Variants in CALN1 observed in about 807,000 individuals in gnomAD.
CALN1 encodes calcium-binding protein 8.
In CALN1, 17 loss-of-function variants were observed where a neutral mutation model predicts 30.6. That is an observed-to-expected ratio of 0.56 (90% CI 0.38 to 0.83). The LOEUF is 0.83. Among genes scored for constraint, CALN1 ranks in the 40% least tolerant of loss-of-function variants. The pLI is 0.00. For synonymous variants in CALN1, 156 were observed against 131.4 expected (o/e 1.19, Z -1.28); for missense variants, 291 against 354.9 (o/e 0.82, Z 1.45).
chr7:72,344,954 G>A (rs1802558130), intron 2 of CALN1, among the ~76,000 whole-genome samples: 1 of 146,856 alleles, frequency 6.8e-6, no homozygotes, highest in Non-Finnish European at 1.5e-5. Flanking sequence ...ATTGTTTTAT[G>A]TGGTATTTAT....
chr7:71,905,300 A>G (rs1242376630), intron 5 of CALN1, among the ~76,000 whole-genome samples: 1 of 151,548 alleles, frequency 6.6e-6, no homozygotes, highest in Non-Finnish European at 1.5e-5. Context: ...GCTTTTTGTT[A>G]TATGGATGAA....
At chr7:71,986,863 C>T (rs1798698430) in intron 5 of CALN1, among the ~76,000 whole-genome samples, 1 of 152,200 alleles carries the variant, frequency 6.6e-6, no homozygotes, top group African/African-American at 2.4e-5. Flanking sequence ...CACGATGGCT[C>T]ATGCCTGTAA....
At chr7:72,169,615 G>A (rs888725932) in intron 3 of CALN1, among the ~76,000 whole-genome samples, 2 of 151,446 alleles carry the variant, frequency 1.3e-5, no homozygotes, top group African/African-American at 2.4e-5. Flanking sequence ...GAGCCACCAC[G>A]CAGCCTTGCT....
intron 3 of CALN1, among the ~76,000 whole-genome samples, chr7:72,203,452 C>T (rs772359458): frequency 6.6e-5 from 10 of 152,072 alleles, no homozygotes; most frequent in African/African-American, 1.2e-4. Flanking sequence ...TCCCAAACTC[C>T]GGCAGGTTTG....
intron 5 of CALN1, among the ~76,000 whole-genome samples, chr7:71,914,924 T>C (rs1259561458): frequency 6.6e-6 from 1 of 152,178 alleles, no homozygotes; most frequent in Non-Finnish European, 1.5e-5. Context: ...CCAGTATATA[T>C]AAGGAACTTA....
the CALN1 span, among the ~76,000 whole-genome samples, chr7:72,458,134 A>ATATATATATTTAATATATTTT: frequency 5.1e-5 from 7 of 136,428 alleles, no homozygotes; most frequent in Admixed American, 3.5e-4. Context: ...TTTTATAAAT[A>ATATATATATTTAATATATTTT]TATATATATT....
At chr7:72,294,810 TA>T (rs1244420066) in intron 2 of CALN1, among the ~76,000 whole-genome samples, 3 of 151,022 alleles carry the variant, frequency 2.0e-5, no homozygotes, top group African/African-American at 7.4e-5. Context: ...TTGAAGTCTT[TA>T]AAGACACCCT....
chr7:71,937,218 G>A (rs1425790607), intron 5 of CALN1, among the ~76,000 whole-genome samples: 1 of 151,124 alleles, frequency 6.6e-6, no homozygotes, highest in Non-Finnish European at 1.5e-5. Flanking sequence ...GCTTGAACAG[G>A]AGAATTGCTT....
At chr7:72,001,935 A>T (rs1417772530) in intron 5 of CALN1, among the ~76,000 whole-genome samples, 1 of 152,206 alleles carries the variant, frequency 6.6e-6, no homozygotes, top group Non-Finnish European at 1.5e-5. Flanking sequence ...TAAAGAAGAA[A>T]ATCATATAAC....
intron 3 of CALN1, among the ~76,000 whole-genome samples, chr7:72,120,588 C>T (rs1393186056): frequency 6.6e-6 from 1 of 152,152 alleles, no homozygotes; most frequent in Non-Finnish European, 1.5e-5. Flanking sequence ...AGGGCAGAAA[C>T]ACTTTTCAGT....
At chr7:71,876,485 A>G (rs967608337) in intron 5 of CALN1, among the ~76,000 whole-genome samples, 1 of 152,212 alleles carries the variant, frequency 6.6e-6, no homozygotes, top group Non-Finnish European at 1.5e-5. Context: ...TTTTCTTGAT[A>G]AATTATCCAG....
intron 2 of CALN1, among the ~76,000 whole-genome samples, chr7:72,397,797 GGACT>G (rs1379302114): frequency 6.8e-6 from 1 of 146,406 alleles, no homozygotes; most frequent in African/African-American, 2.6e-5. Flanking sequence ...CCTACCCTTA[GGACT>G]TACTTTAGAA....
At chr7:71,797,026 T>C (rs1786968531) in intron 6 of CALN1, among the ~76,000 whole-genome samples, 1 of 152,214 alleles carries the variant, frequency 6.6e-6, no homozygotes, top group African/African-American at 2.4e-5. Context: ...GCAGTGGTTC[T>C]TGGCTTTTCT....
intron 5 of CALN1, among the ~76,000 whole-genome samples, chr7:72,022,542 G>A (rs932713529): frequency 2.5e-4 from 38 of 152,136 alleles, no homozygotes; most frequent in African/African-American, 8.2e-4. Flanking sequence ...ACAGGCATGC[G>A]CCATCACATT....
intron 4 of CALN1, among the ~76,000 whole-genome samples, chr7:72,051,205 T>G (rs1191758494): frequency 4.6e-5 from 7 of 151,796 alleles, no homozygotes; most frequent in Non-Finnish European, 1.0e-4. Flanking sequence ...GAGAGTTATT[T>G]GAGAAAACTA....
chr7:71,923,486 C>G (rs1795089660), intron 5 of CALN1, among the ~76,000 whole-genome samples: 1 of 152,192 alleles, frequency 6.6e-6, no homozygotes, highest in Non-Finnish European at 1.5e-5. Context: ...GTATGTCATT[C>G]AAGCAAGGTC....
At chr7:72,338,801 TACAA>T (rs1802248174) in intron 2 of CALN1, among the ~76,000 whole-genome samples, 1 of 152,128 alleles carries the variant, frequency 6.6e-6, no homozygotes, top group Non-Finnish European at 1.5e-5. Context: ...TCCTTTGAGT[TACAA>T]ACAGTCCAAT....
the CALN1 span, among the ~76,000 whole-genome samples, chr7:72,479,832 T>C: frequency 1.3e-5 from 2 of 152,214 alleles, no homozygotes; most frequent in Non-Finnish European, 2.9e-5. Context: ...ATAACAGGCA[T>C]GAGCCACTGA....
intron 5 of CALN1, among the ~76,000 whole-genome samples, chr7:71,936,950 G>T (rs926164751): frequency 6.6e-6 from 1 of 151,866 alleles, no homozygotes; most frequent in Non-Finnish European, 1.5e-5. Context: ...CATATAAGAA[G>T]TGCCTTTCAT....
Sources: allele counts gnomAD v4.1 joint callset (sites outside exome capture counted in the v4.1 genomes callset), GRCh38; gene constraint gnomAD v4.1.1; transcripts MANE v1.5; gene names NCBI Gene and HGNC (gene_info 2026-07-23, HGNC 2026-07-21).